Variants in ACTN2 observed in about 807,000 individuals in gnomAD.
ACTN2 encodes alpha-actinin-2.
Under a neutral mutation model 113.8 loss-of-function variants are expected in ACTN2, and 39 were observed. The observed-to-expected ratio is 0.34, with a 90% confidence interval of 0.27 to 0.45. The LOEUF is 0.45. Ranked by LOEUF, ACTN2 falls within the 20% of genes least tolerant of loss-of-function variation. The pLI, the probability that ACTN2 is intolerant of heterozygous loss-of-function variation, is 1.00. For missense variants in ACTN2, 992 were observed against 1,177.9 expected, an observed-to-expected ratio of 0.84 and a Z score of 2.31; for synonymous variants, 429 against 444.1, an observed-to-expected ratio of 0.97 and a Z score of 0.43.
chr1:236,715,183 G>A (rs1193995179), intron 1 of ACTN2, among the ~76,000 whole-genome samples: 1 of 148,752 alleles, frequency 6.7e-6, no homozygotes, highest in South Asian at 2.1e-4. Context: ...CTACTTTAAG[G>A]TTTAGGGTAC....
rs12733179 is a variant in ACTN2, at chr1:236,763,319, A to G, written c.*700A>G. On this transcript the variant is annotated 3_prime_UTR_variant, in exon 21 of 21. Coordinates refer to ENST00000366578, the MANE Select transcript of ACTN2 (RefSeq NM_001103.4). Reference sequence around the variant, plus strand: ...TCCTCCAGAATAGAGACCTAAGGACACGTGGAAGTCAGTTTAATTGCCAGA... The same window carrying G: ...TCCTCCAGAATAGAGACCTAAGGACGCGTGGAAGTCAGTTTAATTGCCAGA... 0.047 allele frequency: 7,209 copies of G among 153,068 alleles called. 264 individuals are homozygous for G. The highest frequency in any genetic ancestry group is 0.15 in the Middle Eastern group (45 of 294). 9.5% of individuals were successfully genotyped at this position (153,068 alleles called of 1,614,324 possible).
At chr1:236,732,266 G>C (rs868423408) in intron 7 of ACTN2, among the ~76,000 whole-genome samples, 1 of 152,216 alleles carries the variant, frequency 6.6e-6, no homozygotes, top group Middle Eastern at 3.4e-3. Context: ...TGAAATCAAG[G>C]AGTAGGCAGC....
chr1:236,713,291 G>C (rs4659706), intron 1 of ACTN2, among the ~76,000 whole-genome samples: 62,240 of 150,788 alleles, frequency 0.41, 15,494 homozygotes, highest in Non-Finnish European at 0.56. Flanking sequence ...GCAATGGCAC[G>C]ATCTTGGCTC....
At chr1:236,761,833 C>T (rs910922699) in intron 20 of ACTN2, among the ~76,000 whole-genome samples, 1 of 152,090 alleles carries the variant, frequency 6.6e-6, no homozygotes, top group Admixed American at 6.6e-5. Context: ...CATGCTAAAA[C>T]ACAGTAACAG....
intron 1 of ACTN2, among the ~76,000 whole-genome samples, chr1:236,700,682 G>T (rs1384312806): frequency 6.6e-6 from 1 of 152,186 alleles, no homozygotes. Context: ...TGAGGATGCT[G>T]AATTTGATAC....
At chr1:236,699,257 C>T (rs1417650888) in intron 1 of ACTN2, among the ~76,000 whole-genome samples, 1 of 152,140 alleles carries the variant, frequency 6.6e-6, no homozygotes, top group Non-Finnish European at 1.5e-5. Context: ...TGTGGAAGGG[C>T]ATATGTGTGT....
chr1:236,719,381 G>A (rs1364929700), intron 3 of ACTN2, among the ~76,000 whole-genome samples: 1 of 152,242 alleles, frequency 6.6e-6, no homozygotes, highest in Admixed American at 6.5e-5. Context: ...CGGGAGCTGA[G>A]ATTTCCACCC....
At chr1:236,735,502 C>G in intron 7 of ACTN2, 133 bp from the exon 8 acceptor site, 1 of 792,438 alleles carries the variant, frequency 1.3e-6, no homozygotes, top group Non-Finnish European at 2.2e-6. Flanking sequence ...GACCACGGGC[C>G]CATGAAACAC....
chr1:236,740,073 G>T (rs753619752), intron 10 of ACTN2, among the ~76,000 whole-genome samples: 1 of 151,534 alleles, frequency 6.6e-6, no homozygotes, highest in Non-Finnish European at 1.5e-5. Flanking sequence ...TCTAGAAGGA[G>T]TTCTTTGTGG....
At chr1:236,737,317 A>ATATTTT in intron 9 of ACTN2, 103 bp downstream of exon 9, 1 of 288,956 alleles carries the variant, frequency 3.5e-6, no homozygotes, top group Non-Finnish European at 7.1e-6. Context: ...ATATATATAT[A>ATATTTT]TTTTGCATTT....
intron 2 of ACTN2, among the ~76,000 whole-genome samples, chr1:236,718,362 C>T (rs1037365459): frequency 4.6e-5 from 7 of 152,104 alleles, no homozygotes; most frequent in Non-Finnish European, 1.0e-4. Flanking sequence ...AGCTAAAATC[C>T]CAGTGGGGCT....
chr1:236,701,314 G>A (rs707217), intron 1 of ACTN2, among the ~76,000 whole-genome samples: 101,383 of 152,038 alleles, frequency 0.67, 33,804 homozygotes, highest in Non-Finnish European at 0.69. Flanking sequence ...GTGCTGGCCT[G>A]TTTCTGGAAC....
chr1:236,700,088 T>C (rs920229133), intron 1 of ACTN2, among the ~76,000 whole-genome samples: 3 of 152,250 alleles, frequency 2.0e-5, no homozygotes, highest in Non-Finnish European at 4.4e-5. Flanking sequence ...TGATTTTTCA[T>C]GCACTTACTG....
intron 1 of ACTN2, among the ~76,000 whole-genome samples, chr1:236,691,558 T>C (rs1558219444): frequency 6.6e-6 from 1 of 151,800 alleles, no homozygotes; most frequent in Non-Finnish European, 1.5e-5. Flanking sequence ...GGCCAGAGGA[T>C]CATTTGAGCC....
intron 10 of ACTN2, 94 bp from the exon 11 acceptor site, chr1:236,742,801 TG>T: frequency 6.8e-7 from 1 of 1,462,528 alleles, no homozygotes; most frequent in African/African-American, 1.4e-5. Flanking sequence ...ACCATCAAAA[TG>T]TAGTGGAGGG....
intron 2 of ACTN2, among the ~76,000 whole-genome samples, chr1:236,718,474 T>C (rs1257364783): frequency 1.3e-5 from 2 of 152,240 alleles, no homozygotes; most frequent in African/African-American, 4.8e-5. Flanking sequence ...AGATCTGCCC[T>C]GATCCATCTG....
At chr1:236,734,612 C>A in intron 7 of ACTN2, 1 of 876,142 alleles carries the variant, frequency 1.1e-6, no homozygotes. Context: ...CCCTCTCCTC[C>A]GAGTAAGGAG....
chr1:236,749,016 G>A (rs1347010128), intron 13 of ACTN2, 108 bp from the exon 14 acceptor site: 22 of 1,261,484 alleles, frequency 1.7e-5, no homozygotes, highest in African/African-American at 7.4e-5. Context: ...ATGCTAATAC[G>A]ATTAACAGAA....
intron 3 of ACTN2, among the ~76,000 whole-genome samples, chr1:236,719,366 G>A (rs1016962077): frequency 1.1e-4 from 16 of 152,244 alleles, no homozygotes; most frequent in African/African-American, 3.9e-4. Flanking sequence ...ATTTGGTGAG[G>A]TCAGCGGGAG....
Sources: allele counts gnomAD v4.1 joint callset (sites outside exome capture counted in the v4.1 genomes callset), GRCh38; gene constraint gnomAD v4.1.1; transcripts MANE v1.5; gene names NCBI Gene and HGNC (gene_info 2026-07-23, HGNC 2026-07-21).